The following LPP variants were observed in gnomAD, a reference collection of about 807,000 sequenced individuals.
The protein encoded by LPP is LIM domain containing preferred translocation partner in lipoma.
Under a neutral mutation model 60.4 loss-of-function variants are expected in LPP, and 38 were observed. The observed-to-expected ratio is 0.63, with a 90% CI of 0.49 to 0.83. The LOEUF is 0.83. LPP is among the 40% of genes least tolerant of loss of function. The probability of loss-of-function intolerance (pLI) is 0.00; values close to 1 mark genes in which losing one functional copy is unlikely to be tolerated. For synonymous variants in LPP, 328 were observed against 290.8 expected (o/e 1.13, Z -1.30); for missense variants, 902 against 783.6 (o/e 1.15, Z -1.80).
intron 8 of LPP, among the ~76,000 whole-genome samples, chr3:188,736,456 T>G (rs1314713620): frequency 1.3e-5 from 2 of 152,098 alleles, no homozygotes; most frequent in Non-Finnish European, 2.9e-5. Context: ...CACATTAGTA[T>G]GAAAAGAAAA....
At chr3:188,188,360 T>C (rs1316415046) in intron 1 of LPP, among the ~76,000 whole-genome samples, 1 of 152,220 alleles carries the variant, frequency 6.6e-6, no homozygotes, top group Non-Finnish European at 1.5e-5. Flanking sequence ...TTGGGACTTA[T>C]TGCAAAGTTG....
chr3:188,734,402 C>T (rs945882291), intron 8 of LPP, among the ~76,000 whole-genome samples: 3 of 152,106 alleles, frequency 2.0e-5, no homozygotes, highest in African/African-American at 7.2e-5. Flanking sequence ...TTGTTTAGTT[C>T]ATTGCTGAAT....
rs1771139074 is a variant in LPP, at chr3:188,890,582, T to C, written c.*16103T>C. Reference sequence around the variant, plus strand: ...ATGTTTTTTCAATGCTCTATAAGAATGAATATGGAAATTATATTTCTTTTT... The same window carrying C: ...ATGTTTTTTCAATGCTCTATAAGAACGAATATGGAAATTATATTTCTTTTT... On this transcript the variant is annotated 3_prime_UTR_variant, in exon 12 of 12. Transcript: ENST00000617246. The C allele has an allele frequency of 5.6e-6, 1 of 177,848 alleles. No individual in the cohort carries two copies. The highest frequency in any genetic ancestry group is 2.4e-5 in the African/African-American group (1 of 42,494). 11.0% of individuals were successfully genotyped at this position (177,848 alleles called of 1,614,324 possible).
intron 6 of LPP, among the ~76,000 whole-genome samples, chr3:188,530,230 A>G (rs1821790100): frequency 6.6e-6 from 1 of 152,226 alleles, no homozygotes; most frequent in Admixed American, 6.5e-5. Context: ...AGAGAAATTT[A>G]CAGGGGGATA....
chr3:188,786,093 G>A (rs1170852958), intron 9 of LPP, among the ~76,000 whole-genome samples: 1 of 151,978 alleles, frequency 6.6e-6, no homozygotes, highest in Non-Finnish European at 1.5e-5. Flanking sequence ...TTAAACATCA[G>A]TGCAGGCTGG....
At chr3:188,730,966 T>C (rs1720245332) in intron 8 of LPP, among the ~76,000 whole-genome samples, 1 of 152,202 alleles carries the variant, frequency 6.6e-6, no homozygotes, top group African/African-American at 2.4e-5. Context: ...GTTCTCCAAT[T>C]GGTAAGGACC....
At chr3:188,544,180 G>A (rs1369012673) in intron 6 of LPP, among the ~76,000 whole-genome samples, 2 of 152,170 alleles carry the variant, frequency 1.3e-5, no homozygotes, top group African/African-American at 4.8e-5. Flanking sequence ...TGAACAATGA[G>A]TTGGAACAAA....
chr3:188,509,684 T>C (rs28456334), intron 5 of LPP, among the ~76,000 whole-genome samples: 1 of 2,682 alleles, frequency 3.7e-4, no homozygotes, highest in South Asian at 0.045. Flanking sequence ...CTTCCTTCCT[T>C]CCTCTCTCTC....
chr3:188,300,315 A>C (rs1749358459), intron 2 of LPP, among the ~76,000 whole-genome samples: 1 of 152,134 alleles, frequency 6.6e-6, no homozygotes, highest in South Asian at 2.1e-4. Context: ...TAATCATTGC[A>C]TAATATTGCA....
At chr3:188,337,332 G>A (rs1224373554) in intron 2 of LPP, among the ~76,000 whole-genome samples, 3 of 152,220 alleles carry the variant, frequency 2.0e-5, no homozygotes, top group African/African-American at 7.2e-5. Context: ...TCTTGGGGAA[G>A]CACGGCTATG....
rs767628040 is a variant in LPP, at chr3:188,609,466, C to T, written c.735C>T (p.Gly245=). The T allele has an allele frequency of 1.2e-6, 2 of 1,614,204 alleles. No homozygotes were observed. Among genetic ancestry groups the T allele is most frequent in the Non-Finnish European group, 1.7e-6 (2 of 1,180,024 alleles). The change falls in exon 7 of 12, where the codon GGC becomes GGT. Residue 245 remains glycine, a synonymous_variant. Transcript: ENST00000617246. The surrounding 1 kb of genome is among the most constrained non-coding windows in gnomAD (Gnocchi z 6.9). The part of the protein sequence containing the change: ...MAAPSSGQIY[G]SGPQGYNTQP... ...CCCCTTCATCAGGACAAATTTATGGCTCAGGGCCCCAGGGCTATAACACTC... is the reference window on the plus strand; with the variant it reads ...CCCCTTCATCAGGACAAATTTATGGTTCAGGGCCCCAGGGCTATAACACTC...
At chr3:188,640,771 GA>G (rs1849950101) in intron 7 of LPP, among the ~76,000 whole-genome samples, 3 of 151,828 alleles carry the variant, frequency 2.0e-5, no homozygotes, top group Admixed American at 2.0e-4. Flanking sequence ...GGCCACTGGA[GA>G]AAAAGCTCTG....
chr3:188,498,970 A>G (rs1156799498), intron 5 of LPP, among the ~76,000 whole-genome samples: 1 of 152,154 alleles, frequency 6.6e-6, no homozygotes, highest in Non-Finnish European at 1.5e-5. Context: ...AGAAATGTCT[A>G]TTCAAGTTCT....
intron 6 of LPP, among the ~76,000 whole-genome samples, chr3:188,570,485 A>G (rs960765354): frequency 1.3e-5 from 2 of 152,052 alleles, no homozygotes; most frequent in African/African-American, 4.8e-5. Flanking sequence ...CAAGGCATAA[A>G]ATAGCCCAGC....
intron 2 of LPP, among the ~76,000 whole-genome samples, chr3:188,327,231 T>C (rs1038623593): frequency 1.3e-5 from 2 of 152,194 alleles, no homozygotes; most frequent in Non-Finnish European, 2.9e-5. Flanking sequence ...TTTATCTAAC[T>C]GAATGAGTCT....
chr3:188,869,185 G>C (rs1330945129), intron 10 of LPP, among the ~76,000 whole-genome samples: 2 of 152,228 alleles, frequency 1.3e-5, no homozygotes, highest in East Asian at 3.9e-4. Flanking sequence ...TTGCTTTGCT[G>C]TAACTAGAGC....
intron 7 of LPP, among the ~76,000 whole-genome samples, chr3:188,621,675 T>C (rs924165016): frequency 6.6e-6 from 1 of 152,188 alleles, no homozygotes; most frequent in African/African-American, 2.4e-5. Context: ...TTTTATTTTA[T>C]TTTGAGATGG....
At chr3:188,661,698 G>A (rs762729342) in intron 7 of LPP, among the ~76,000 whole-genome samples, 4 of 152,128 alleles carry the variant, frequency 2.6e-5, no homozygotes, top group Non-Finnish European at 5.9e-5. Context: ...TCTTAAACGT[G>A]TTGTTTGCAA....
chr3:188,860,319 G>T (rs1764882708), intron 9 of LPP, among the ~76,000 whole-genome samples: 1 of 152,156 alleles, frequency 6.6e-6, no homozygotes, highest in Admixed American at 6.5e-5. Context: ...CATTTCAAGA[G>T]AAATTGGCTG....
Sources: gnomAD v4.1 joint callset for allele counts (sites outside exome capture counted in the v4.1 genomes callset) on GRCh38, gnomAD v4.1.1 for gene constraint, Gnocchi (gnomAD v3.1) non-coding constraint, MANE v1.5 for transcripts, NCBI Gene and HGNC (gene_info 2026-07-23, HGNC 2026-07-21) for gene names.